Variants in ORC1 observed in about 807,000 individuals in gnomAD.
ORC1 encodes the protein origin recognition complex, subunit 1 homolog.
A neutral mutation model predicts 98.9 loss-of-function variants in ORC1; 61 were observed. That is an observed-to-expected ratio of 0.62 (90% CI 0.50 to 0.76). ORC1 has a LOEUF of 0.76. ORC1 is among the 30% of genes least tolerant of loss of function. ORC1 has a pLI of 0.00. For missense variants in ORC1, 979 were observed against 1,072.2 expected (o/e 0.91, Z 1.21); for synonymous variants, 385 against 406.9 (o/e 0.95, Z 0.65).
Position 52,373,349 on chromosome 1 carries a change from G to A in ORC1, c.2418C>T (p.Cys806=), listed in dbSNP as rs1485646346. ...QQIYSQHVAL[C]RMEGLPYPTM... is the part of the protein sequence containing the mutation. ...TGGGGTACGGCAGTCCCTCCATTCT[G>A]CACAGTGCCACATGTTGACTATATA... Residue 806 remains cysteine, a synonymous_variant, in exon 17 of 17, where the codon TGC becomes TGT. Transcript: ENST00000371568. 4 of 1,614,066 alleles carry A rather than the reference G, an allele frequency of 2.5e-6. No homozygotes were observed. The highest frequency in any genetic ancestry group is 2.2e-5 in the South Asian group (2 of 91,084).
intron 6 of ORC1, 123 bp downstream of exon 6, chr1:52,393,320 G>T: frequency 7.6e-7 from 1 of 1,308,992 alleles, no homozygotes; most frequent in Non-Finnish European, 1.1e-6. Context: ...TTTTAAGAAA[G>T]CTCCCCAATA....
chr1:52,385,835 A>G lies in ORC1; in HGVS notation c.1481+17T>C. 6.3e-7 allele frequency: 1 copy of G among 1,585,790 alleles called. No individual in the cohort carries two copies. Among genetic ancestry groups the G allele is most frequent in the Non-Finnish European group, 8.7e-7 (1 of 1,154,306 alleles). On this transcript the variant is annotated intron_variant, in intron 9 of 16. Coordinates refer to ENST00000371568, the MANE Select transcript of ORC1 (RefSeq NM_004153.4). ...ATGGTTCCTGCCTCTCTGAAGGGGA[A>G]TCAACAGCAGCAGTACCTCAGTCGG... is the stretch of plus-strand genomic sequence containing the variant.
intron 2 of ORC1, 96 bp downstream of exon 2, chr1:52,402,032 TG>T: frequency 1.1e-6 from 1 of 890,766 alleles, no homozygotes; most frequent in Non-Finnish European, 1.9e-6. Context: ...TGTTCATTCA[TG>T]GTCAATCTGT....
intron 6 of ORC1, among the ~76,000 whole-genome samples, chr1:52,392,627 C>A (rs989050707): frequency 6.6e-6 from 1 of 152,092 alleles, no homozygotes; most frequent in Non-Finnish European, 1.5e-5. Flanking sequence ...TATAGCAGTA[C>A]AATTTGCAAT....
At chr1:52,384,214 C>G (rs1440887925) in intron 11 of ORC1, among the ~76,000 whole-genome samples, 1 of 152,208 alleles carries the variant, frequency 6.6e-6, no homozygotes, top group Non-Finnish European at 1.5e-5. Context: ...TGGATGTTAC[C>G]TGCTCCAAAA....
chr1:52,407,333 G>C, upstream of ORC1, among the ~76,000 whole-genome samples: 1 of 152,174 alleles, frequency 6.6e-6, no homozygotes, highest in East Asian at 1.9e-4. Context: ...CTCTAATAAA[G>C]CATTAACAGC....
At position 52,375,486 on chromosome 1, in the gene ORC1, G is replaced by A; in HGVS notation, c.2247C>T (p.Ala749=). 6.2e-7 allele frequency: 1 copy of A among 1,614,082 alleles called. No individual in the cohort carries two copies. Among genetic ancestry groups the A allele is most frequent in the Non-Finnish European group, 8.5e-7 (1 of 1,179,990 alleles). Residue 749 remains alanine (A), a synonymous_variant, in exon 15 of 17, where the codon GCC becomes GCT. Transcript: ENST00000371568. ...KPDSPGLVTI[A]HSMEAVDEMF... The stretch of plus-strand genomic sequence containing the variant: ...TCTCATCCACAGCTTCCATTGAGTG[G>A]GCTATGGTGACCAGGCCAGGGGAGT...
chr1:52,408,539 C>T, upstream of ORC1: 1 of 1,613,710 alleles, frequency 6.2e-7, no homozygotes, highest in Non-Finnish European at 8.5e-7. Context: ...TCTAGGATGG[C>T]CTGTTGTTTC....
upstream of ORC1, among the ~76,000 whole-genome samples, chr1:52,407,044 GTC>G (rs958908162): frequency 2.6e-5 from 4 of 152,172 alleles, no homozygotes; most frequent in Non-Finnish European, 4.4e-5. Context: ...TTGAGACAGA[GTC>G]TCGCTCTGTT....
chr1:52,401,975 T>C (rs1314655155), intron 2 of ORC1, among the ~76,000 whole-genome samples, 154 bp downstream of exon 2: 1 of 152,256 alleles, frequency 6.6e-6, no homozygotes, highest in Non-Finnish European at 1.5e-5. Flanking sequence ...TATCCCACCA[T>C]CTTCTTGCAT....
chr1:52,403,843 G>A (rs1038259833), intron 1 of ORC1, among the ~76,000 whole-genome samples: 3 of 152,182 alleles, frequency 2.0e-5, no homozygotes, highest in Non-Finnish European at 4.4e-5. Context: ...ATTTACGTCC[G>A]TAAAATGGGG....
At position 52,375,567 on chromosome 1, in the gene ORC1, G is replaced by A. The variant is rs1228508308; in HGVS notation, c.2166C>T (p.Cys722=). The change falls in exon 15 of 17, where the codon TGC becomes TGT. Residue 722 remains cysteine (C), a synonymous_variant. Transcript: ENST00000371568. ...VAALSGDARR[C]LDICRRATEI... ...CTGTGGCACGCCTGCAGATGTCCAG[G>A]CACCGTCGTGCATCTCCAGACAGTG... The A allele has an allele frequency of 1.2e-6, 2 of 1,613,954 alleles. No individual in the cohort carries two copies. Among genetic ancestry groups the A allele is most frequent in the African/African-American group, 2.7e-5 (2 of 74,900 alleles).
At chr1:52,401,286 C>T in intron 3 of ORC1, 76 bp downstream of exon 3, 17 of 1,579,900 alleles carry the variant, frequency 1.1e-5, no homozygotes, top group Non-Finnish European at 1.4e-5. Flanking sequence ...CTGCTGTGAA[C>T]AAAAGAATCC....
chr1:52,392,190 C>T (rs1405438087), intron 6 of ORC1, among the ~76,000 whole-genome samples: 1 of 150,448 alleles, frequency 6.6e-6, no homozygotes, highest in Admixed American at 6.6e-5. Context: ...AGTGCAGTGG[C>T]GCGACCTCCG....
chr1:52,388,552 C>T lies in ORC1; in HGVS notation c.1273G>A (p.Glu425Lys). 1 of 1,614,126 alleles carries T rather than the reference C, an allele frequency of 6.2e-7. No individual in the cohort carries two copies. Among genetic ancestry groups the T allele is most frequent in the Non-Finnish European group, 8.5e-7 (1 of 1,179,984 alleles). Residue 425 changes from glutamate (E) to lysine (K), a missense_variant, in exon 8 of 17, where the codon GAG (glutamate) becomes AAG (lysine). Glu to Lys is a moderately conservative substitution (Grantham distance 56). Transcript: ENST00000371568. ...EISDSSSDEEEASTPPLPRRA... is the reference protein window; with the variant it reads ...EISDSSSDEEKASTPPLPRRA... ...CTTGGAAGGGGCGGTGTGGAAGCCTCTTCTTCGTCACTGCTAGAGTCTGAA... is the reference window on the plus strand; with the variant it reads ...CTTGGAAGGGGCGGTGTGGAAGCCTTTTCTTCGTCACTGCTAGAGTCTGAA...
rs558487306 is a variant in ORC1, at chr1:52,384,460, T to C, written c.1755+90A>G. ...GACAATGCCTGGTATATCATGAACA[T>C]GCAATACACGCAAAATTAAGTAACT... On this transcript the variant is annotated intron_variant, in intron 11 of 16. Coordinates refer to ENST00000371568, the MANE Select transcript of ORC1 (RefSeq NM_004153.4). The C allele has an allele frequency of 3.2e-5, 37 of 1,159,532 alleles. 1 individual carries two copies. The South Asian group carries it at 4.3e-4, about 13-fold the overall frequency. The allele number at this position is 1,159,532 out of a possible 1,614,324, so 71.8% of individuals were successfully genotyped here.
intron 11 of ORC1, 70 bp downstream of exon 11, chr1:52,384,480 G>T: frequency 7.1e-7 from 1 of 1,400,912 alleles, no homozygotes; most frequent in Non-Finnish European, 1.0e-6. Context: ...GCAAAATTAA[G>T]TAACTCTTTC....
At chr1:52,388,211 A>G (rs1033298934) in intron 8 of ORC1, among the ~76,000 whole-genome samples, 1 of 152,124 alleles carries the variant, frequency 6.6e-6, no homozygotes, top group African/African-American at 2.4e-5. Context: ...TGGCCATCTG[A>G]TTCTGTACCG....
rs1348794249 is a variant in ORC1 at position 52,402,186 on chromosome 1, G to C, written c.38C>G (p.Thr13Ser). Reference protein sequence around the residue: ...HYPTRLKTRKTYSWVGRPLLD... With the variant: ...HYPTRLKTRKSYSWVGRPLLD... ...CAAGGGCCTGCCAACCCATGAATAA[G>C]TTTTTCTGGTCTTCAGCCTTGTGGG... Residue 13 changes from threonine to serine, a missense_variant, in exon 2 of 17, where the codon ACT (threonine) becomes AGT (serine). By Grantham distance (58) the Thr-to-Ser change is moderately conservative. Coordinates refer to ENST00000371568, the MANE Select transcript of ORC1 (RefSeq NM_004153.4). 1 of 1,614,070 alleles carries C rather than the reference G, an allele frequency of 6.2e-7. No homozygotes were observed. Among genetic ancestry groups the C allele is most frequent in the African/African-American group, 1.3e-5 (1 of 74,908 alleles).
Sources: allele counts gnomAD v4.1 joint callset (sites outside exome capture counted in the v4.1 genomes callset), GRCh38; gene constraint gnomAD v4.1.1; transcripts MANE v1.5; gene names NCBI Gene and HGNC (gene_info 2026-07-23, HGNC 2026-07-21).